PCMT1: variants seen among roughly 807,000 people sequenced by gnomAD.
PCMT1 encodes protein-L-isoaspartate (D-aspartate) O-methyltransferase.
PCMT1 carries 9 observed loss-of-function variants against 29.2 expected under a neutral mutation model. That is an observed-to-expected ratio of 0.31 (90% confidence interval 0.19 to 0.54). The LOEUF is 0.54. Ranked by LOEUF, PCMT1 falls within the 20% of genes least tolerant of loss-of-function variation. PCMT1 has a pLI of 0.95. For synonymous variants in PCMT1, 98 were observed against 97.5 expected, an observed-to-expected ratio of 1.00 and a Z score of -0.03; for missense variants, 184 against 282.2, an observed-to-expected ratio of 0.65 and a Z score of 2.49.
intron 3 of PCMT1, among the ~76,000 whole-genome samples, chr6:149,789,195 C>T (rs977973684): frequency 1.3e-5 from 2 of 151,578 alleles, no homozygotes; most frequent in African/African-American, 4.8e-5. Flanking sequence ...TCTGCCTCAG[C>T]CTCCCGAGTA....
chr6:149,800,911 C>A (rs1262239053), intron 6 of PCMT1, among the ~76,000 whole-genome samples: 1 of 152,168 alleles, frequency 6.6e-6, no homozygotes, highest in Non-Finnish European at 1.5e-5. Context: ...GAGGATAGTT[C>A]TATATTAGTT....
rs868833601 is a variant in PCMT1, at chr6:149,786,036, G to A, written c.193-3918G>A. On this transcript the variant is annotated intron_variant, in intron 3 of 7. Coordinates refer to ENST00000464889, the MANE Select transcript of PCMT1 (RefSeq NM_001360452.2). ...GACGGGGCGGCTGGCCGGGCGGGGG[G>A]CTGACCCCCCCACCTCCCTCCCGGA... Among the ~76,000 whole-genome samples, 1,097 of 144,750 alleles carry A rather than the reference G, an allele frequency of 7.6e-3. 29 individuals carry two copies. Among genetic ancestry groups the A allele is most frequent in the African/African-American group, 0.027 (1,046 of 38,058 alleles). 95.0% of individuals were successfully genotyped at this position (144,750 alleles called of 152,430 possible). A position where few individuals can be genotyped will look rare whatever the true frequency, so the allele number is the denominator to read the frequency against.
chr6:149,774,789 C>T (rs913605085), intron 3 of PCMT1, among the ~76,000 whole-genome samples: 1 of 150,342 alleles, frequency 6.7e-6, no homozygotes, highest in African/African-American at 2.5e-5. Flanking sequence ...TCACTGCAAG[C>T]TCCGCCTCCT....
At chr6:149,753,962 T>C (rs1222014886) in intron 1 of PCMT1, among the ~76,000 whole-genome samples, 1 of 152,202 alleles carries the variant, frequency 6.6e-6, no homozygotes, top group Non-Finnish European at 1.5e-5. Context: ...TTGTAAGTGG[T>C]GCCACTGCTG....
At chr6:149,779,265 A>C (rs1257078070) in intron 3 of PCMT1, among the ~76,000 whole-genome samples, 1 of 152,228 alleles carries the variant, frequency 6.6e-6, no homozygotes, top group Admixed American at 6.5e-5. Flanking sequence ...GGTGTAACAA[A>C]TGTAAAAGAG....
chr6:149,762,631 TA>T, intron 1 of PCMT1, among the ~76,000 whole-genome samples: 1 of 10,498 alleles, frequency 9.5e-5, no homozygotes, highest in African/African-American at 1.1e-3. Context: ...ATCTATGATA[TA>T]TATATATCTA....
intron 3 of PCMT1, among the ~76,000 whole-genome samples, chr6:149,785,535 C>G (rs1422487161): frequency 7.3e-5 from 11 of 151,668 alleles, no homozygotes; most frequent in African/African-American, 2.7e-4. Context: ...TCTGGTTTTC[C>G]TAGGCAGAGG....
chr6:149,791,030 GGGCTTAGCATGGAGAGGGGGTCA>G (rs989208003), intron 4 of PCMT1, among the ~76,000 whole-genome samples: 2 of 151,990 alleles, frequency 1.3e-5, no homozygotes, highest in African/African-American at 4.8e-5. Context: ...TGTGGGGGGT[GGGCTTAGCATGGAGAGGGGGTCA>G]GGCTTAGCCC....
chr6:149,790,444 A>G (rs1357423337), intron 4 of PCMT1, among the ~76,000 whole-genome samples: 2 of 152,032 alleles, frequency 1.3e-5, no homozygotes, highest in Non-Finnish European at 2.9e-5. Context: ...GATGGTGGCC[A>G]GTAGCTCCCA....
At chr6:149,772,611 T>C (rs1787379813) in intron 2 of PCMT1, 1 of 455,984 alleles carries the variant, frequency 2.2e-6, no homozygotes, top group Non-Finnish European at 4.4e-6. Context: ...ACTGTTTTAC[T>C]AGATGAGCAC....
chr6:149,749,927 G>C lies in PCMT1; in HGVS notation c.26G>C (p.Ser9Thr). The C allele has an allele frequency of 1.2e-6, 2 of 1,610,764 alleles. No individual in the cohort carries two copies. Among genetic ancestry groups the C allele is most frequent in the Non-Finnish European group, 1.7e-6 (2 of 1,178,780 alleles). MAWKSGGA[S>T]HSELIHNLRK... Reference sequence around the variant, plus strand: ...ATGGCCTGGAAATCCGGCGGCGCCAGCCACTCGGAGCTAATCCACAATCTC... The same window carrying C: ...ATGGCCTGGAAATCCGGCGGCGCCACCCACTCGGAGCTAATCCACAATCTC... Residue 9 changes from serine (S) to threonine (T), a missense_variant, in exon 1 of 8, where the codon AGC becomes ACC. Coordinates refer to ENST00000464889, the MANE Select transcript of PCMT1 (RefSeq NM_001360452.2).
intron 3 of PCMT1, among the ~76,000 whole-genome samples, chr6:149,775,383 A>C (rs1787521082): frequency 6.6e-6 from 1 of 152,136 alleles, no homozygotes; most frequent in Non-Finnish European, 1.5e-5. Context: ...ATTTTTGCGG[A>C]GAAAAAATGT....
intron 3 of PCMT1, among the ~76,000 whole-genome samples, chr6:149,786,763 T>A (rs1401432140): frequency 6.8e-6 from 1 of 145,996 alleles, no homozygotes. Flanking sequence ...GATGGGCGGC[T>A]GAGCAGAGAC....
intron 3 of PCMT1, among the ~76,000 whole-genome samples, chr6:149,787,369 ATTT>A (rs1189480544): frequency 7.1e-6 from 1 of 140,822 alleles, no homozygotes. Flanking sequence ...AATAGTTATA[ATTT>A]TTTTTTTTTT....
chr6:149,793,052 A>G (rs1788437651), intron 4 of PCMT1, among the ~76,000 whole-genome samples: 1 of 151,844 alleles, frequency 6.6e-6, no homozygotes, highest in Non-Finnish European at 1.5e-5. Context: ...AGTCCCAGCT[A>G]CTCAGGAGGC....
chr6:149,801,423 A>G (rs1034853913), intron 6 of PCMT1, among the ~76,000 whole-genome samples: 10 of 152,096 alleles, frequency 6.6e-5, no homozygotes, highest in Non-Finnish European at 7.4e-5. Flanking sequence ...TCGGGTTTTC[A>G]GATTATTGAT....
intron 7 of PCMT1, 98 bp from the exon 8 acceptor site, chr6:149,810,518 C>T (rs1776132254): frequency 2.4e-6 from 2 of 819,582 alleles, no homozygotes; most frequent in Admixed American, 5.2e-5. Context: ...GTGATCAGCG[C>T]ATTTTTATTG....
At chr6:149,767,258 C>T (rs75871516) in intron 1 of PCMT1, among the ~76,000 whole-genome samples, 3 of 145,614 alleles carry the variant, frequency 2.1e-5, no homozygotes, top group African/African-American at 5.1e-5. Context: ...GTAATTCACT[C>T]TTTTTTTTTT....
chr6:149,764,513 G>A (rs903993846), intron 1 of PCMT1, among the ~76,000 whole-genome samples: 1 of 152,102 alleles, frequency 6.6e-6, no homozygotes, highest in Non-Finnish European at 1.5e-5. Flanking sequence ...GAGGTGGGAG[G>A]ATCACTTGAG....
Sources: gnomAD v4.1 joint callset for allele counts (sites outside exome capture counted in the v4.1 genomes callset) on GRCh38, gnomAD v4.1.1 for gene constraint, MANE v1.5 for transcripts, NCBI Gene and HGNC (gene_info 2026-07-23, HGNC 2026-07-21) for gene names.